The following SH3RF3 variants were observed in gnomAD, a reference collection of about 807,000 sequenced individuals.
The protein encoded by SH3RF3 is SH3 domain containing ring finger 3.
In SH3RF3, 29 loss-of-function variants were observed where a neutral mutation model predicts 66.3. The observed-to-expected ratio is 0.44, with a 90% CI of 0.33 to 0.60. SH3RF3 has a LOEUF of 0.60. Among genes scored for constraint, SH3RF3 ranks in the 20% least tolerant of loss-of-function variants. The pLI is 0.04. For synonymous variants in SH3RF3, 583 were observed against 532.0 expected (o/e 1.10, Z -1.32); for missense variants, 1,194 against 1,190.9 (o/e 1.00, Z -0.04).
intron 3 of SH3RF3, among the ~76,000 whole-genome samples, chr2:109,376,818 A>G (rs1683396508): frequency 6.6e-6 from 1 of 152,236 alleles, no homozygotes; most frequent in Non-Finnish European, 1.5e-5. Context: ...AGAGACAGCC[A>G]GCATCTCAGC....
chr2:109,174,732 C>T (rs369031319), intron 1 of SH3RF3, among the ~76,000 whole-genome samples: 2 of 152,204 alleles, frequency 1.3e-5, no homozygotes, highest in African/African-American at 4.8e-5. Context: ...AACCCAGCGT[C>T]TTTGGAGGAA....
chr2:109,470,309 A>G (rs1678468951), intron 8 of SH3RF3, among the ~76,000 whole-genome samples: 1 of 152,174 alleles, frequency 6.6e-6, no homozygotes, highest in South Asian at 2.1e-4. Context: ...TGTGAAATCC[A>G]TGCTTGCATT....
intron 1 of SH3RF3, among the ~76,000 whole-genome samples, chr2:109,336,901 A>G (rs896902789): frequency 2.6e-5 from 4 of 152,212 alleles, no homozygotes; most frequent in Non-Finnish European, 4.4e-5. Flanking sequence ...CTCCTGTCCC[A>G]GAGCAAAGGG....
At chr2:109,362,490 C>T (rs541527237) in intron 2 of SH3RF3, among the ~76,000 whole-genome samples, 7 of 152,228 alleles carry the variant, frequency 4.6e-5, no homozygotes, top group African/African-American at 1.2e-4. Context: ...AGAATATGGT[C>T]TGTCCTGGTG....
In SH3RF3 at chr2:109,257,784, A is replaced by C. The variant is rs375190679; in HGVS notation, c.574-89890A>C. Among the ~76,000 whole-genome samples, 386 of 152,260 alleles carry C rather than the reference A, an allele frequency of 2.5e-3. 3 individuals carry two copies. The highest frequency in any genetic ancestry group is 9.0e-3 in the African/African-American group (376 of 41,556). On this transcript the variant is annotated intron_variant, in intron 1 of 9. Coordinates refer to ENST00000309415, the MANE Select transcript of SH3RF3 (RefSeq NM_001099289.3). Reference sequence around the variant, plus strand: ...GTGCAGAAACAAGGGCTGAAAATGTATGTTTTACGGACAGGAGACAGCCAG... The same window carrying C: ...GTGCAGAAACAAGGGCTGAAAATGTCTGTTTTACGGACAGGAGACAGCCAG...
In SH3RF3 at chr2:109,180,511, A is replaced by C. The variant is rs1294445320; in HGVS notation, c.573+50398A>C. On this transcript the variant is annotated intron_variant, in intron 1 of 9. Coordinates refer to ENST00000309415, the MANE Select transcript of SH3RF3 (RefSeq NM_001099289.3). The stretch of plus-strand genomic sequence containing the variant: ...CCACCCAAATCTCATCTTGAATTGT[A>C]CTCTCATAATTCCCACGTGTTGTGG... 2.6e-5 allele frequency among the ~76,000 whole-genome samples: 4 copies of C among 152,062 alleles called. No homozygotes were observed. In the East Asian group the frequency reaches 7.7e-4, roughly 29 times the overall value.
At chr2:109,252,007 C>T (rs1680104387) in intron 1 of SH3RF3, among the ~76,000 whole-genome samples, 1 of 152,080 alleles carries the variant, frequency 6.6e-6, no homozygotes, top group Non-Finnish European at 1.5e-5. Flanking sequence ...CTTTGGGAGG[C>T]CAAGGTAGGA....
At chr2:109,361,358 C>A (rs544392008) in intron 2 of SH3RF3, among the ~76,000 whole-genome samples, 3 of 152,076 alleles carry the variant, frequency 2.0e-5, no homozygotes, top group African/African-American at 7.2e-5. Context: ...ATTCTTTCTG[C>A]GAAGTATTGA....
intron 9 of SH3RF3, among the ~76,000 whole-genome samples, chr2:109,492,681 A>G: frequency 6.6e-6 from 1 of 152,154 alleles, no homozygotes; most frequent in South Asian, 2.1e-4. Flanking sequence ...AAGATCACAC[A>G]GCTAGTTAGT....
intron 1 of SH3RF3, among the ~76,000 whole-genome samples, chr2:109,289,623 C>T (rs1242922142): frequency 2.6e-5 from 4 of 152,116 alleles, no homozygotes; most frequent in South Asian, 2.1e-4. Flanking sequence ...TGAGACATCA[C>T]GTGGAAAGCT....
chr2:109,431,835 C>T lies in SH3RF3; in HGVS notation c.1404-666C>T, dbSNP rs372750032. Among the ~76,000 whole-genome samples the T allele has an allele frequency of 1.6e-3, 248 of 152,156 alleles. 1 individual carries two copies. Among genetic ancestry groups the T allele is most frequent in the African/African-American group, 5.9e-3 (243 of 41,490 alleles). On this transcript the variant is annotated intron_variant, in intron 5 of 9. Transcript: ENST00000309415. The stretch of plus-strand genomic sequence containing the variant: ...GCAGTGAGCTATGCTTGTACCACTG[C>T]ACTCCAGCCTGGGTGACAGGGTGAG...
chr2:109,232,715 T>C (rs1200268969), intron 1 of SH3RF3, among the ~76,000 whole-genome samples: 2 of 152,316 alleles, frequency 1.3e-5, no homozygotes, highest in African/African-American at 4.8e-5. Flanking sequence ...GGAAGCATCA[T>C]GGTGATGGAA....
At chr2:109,430,889 G>A (rs1296396213) in intron 5 of SH3RF3, among the ~76,000 whole-genome samples, 1 of 152,174 alleles carries the variant, frequency 6.6e-6, no homozygotes, top group East Asian at 1.9e-4. Context: ...GGAGCCCACA[G>A]CATGTCCCTA....
At chr2:109,210,401 C>T (rs541947920) in intron 1 of SH3RF3, among the ~76,000 whole-genome samples, 102 of 152,336 alleles carry the variant, frequency 6.7e-4, no homozygotes, top group African/African-American at 2.3e-3. Flanking sequence ...CGTGCTCCCT[C>T]GTTTTGTCTG....
intron 2 of SH3RF3, 51 bp downstream of exon 2, chr2:109,348,000 A>C: frequency 1.9e-6 from 3 of 1,541,976 alleles, no homozygotes. Context: ...CCTCTGTGCC[A>C]CCCAGGGCTC....
chr2:109,145,567 C>G (rs570357497), intron 1 of SH3RF3, among the ~76,000 whole-genome samples: 65 of 152,280 alleles, frequency 4.3e-4, no homozygotes, highest in African/African-American at 1.5e-3. Context: ...CTAGGCTGTC[C>G]GGGGGGCCTC....
At chr2:109,247,316 T>C (rs2105240965) in intron 1 of SH3RF3, among the ~76,000 whole-genome samples, 1 of 152,314 alleles carries the variant, frequency 6.6e-6, no homozygotes, top group South Asian at 2.1e-4. Context: ...TTGAGCCCTT[T>C]ATCCAAATCT....
rs549970372 is a variant in SH3RF3 at position 109,171,507 on chromosome 2, G to A, written c.573+41394G>A. Among the ~76,000 whole-genome samples the A allele has an allele frequency of 5.9e-5, 9 of 152,342 alleles. No individual in the cohort carries two copies. The East Asian group carries it at 7.7e-4, about 13-fold the overall frequency. On this transcript the variant is annotated intron_variant, in intron 1 of 9. Coordinates refer to ENST00000309415, the MANE Select transcript of SH3RF3 (RefSeq NM_001099289.3). ...CCGACCCCTCACTGCTGCTGGGCTC[G>A]CGGGTATGGTCAGCGCTGTGGCTTC...
intron 1 of SH3RF3, among the ~76,000 whole-genome samples, chr2:109,133,268 G>A (rs1435533301): frequency 6.6e-6 from 1 of 152,176 alleles, no homozygotes; most frequent in East Asian, 1.9e-4. Flanking sequence ...AGCCTAATAA[G>A]TTTATCTGTA....
Sources: gnomAD v4.1 joint callset for allele counts (sites outside exome capture counted in the v4.1 genomes callset) on GRCh38, gnomAD v4.1.1 for gene constraint, MANE v1.5 for transcripts, NCBI Gene and HGNC (gene_info 2026-07-23, HGNC 2026-07-21) for gene names.